Variants in NEO1 observed in about 807,000 individuals in gnomAD.
The protein encoded by NEO1 is neogenin 1.
Under a neutral mutation model 159.7 loss-of-function variants are expected in NEO1, and 63 were observed. The observed-to-expected ratio is 0.39, with a 90% confidence interval of 0.32 to 0.49. The LOEUF (loss-of-function observed/expected upper bound fraction) is 0.49, where lower values mean the gene tolerates loss of function less well. NEO1 is among the 20% of genes least tolerant of loss of function. The pLI, the probability that NEO1 is intolerant of heterozygous loss-of-function variation, is 0.85. For missense variants in NEO1, 1,615 were observed against 1,831.0 expected, an observed-to-expected ratio of 0.88 and a Z score of 2.15; for synonymous variants, 633 against 662.0, an observed-to-expected ratio of 0.96 and a Z score of 0.67.
At chr15:73,164,842 A>G (rs1355770850) in intron 5 of NEO1, among the ~76,000 whole-genome samples, 1 of 152,260 alleles carries the variant, frequency 6.6e-6, no homozygotes, top group Non-Finnish European at 1.5e-5. Context: ...TATGCTATAT[A>G]TGTGGCTACA....
At chr15:73,170,862 TAGAATA>T (rs1475499751) in intron 5 of NEO1, among the ~76,000 whole-genome samples, 1 of 152,194 alleles carries the variant, frequency 6.6e-6, no homozygotes, top group Non-Finnish European at 1.5e-5. Context: ...GAATGAGTGA[TAGAATA>T]AGAGTATTAC....
At chr15:73,167,572 A>G (rs1411198816) in intron 5 of NEO1, among the ~76,000 whole-genome samples, 1 of 152,226 alleles carries the variant, frequency 6.6e-6, no homozygotes, top group Non-Finnish European at 1.5e-5. Flanking sequence ...CTACACCCAC[A>G]TTCACAGCTG....
intron 5 of NEO1, among the ~76,000 whole-genome samples, chr15:73,165,368 A>G (rs1377444738): frequency 6.6e-6 from 1 of 152,100 alleles, no homozygotes. Context: ...TCACCTTCTT[A>G]ACTTTGAAAA....
In NEO1 at chr15:73,073,795, T is replaced by A. The variant is rs149857670; in HGVS notation, c.130+20990T>A. ...AGGATTACTATTACCAGAACTAATA[T>A]GAGAATGTACCATACTAGGAGATTT... On this transcript the variant is annotated intron_variant, in intron 1 of 28. Coordinates refer to ENST00000261908, the MANE Select transcript of NEO1 (RefSeq NM_002499.4). Among the ~76,000 whole-genome samples, 291 of 152,294 alleles carry A rather than the reference T, an allele frequency of 1.9e-3. 3 individuals are homozygous for A. Among genetic ancestry groups the A allele is most frequent in the African/African-American group, 6.7e-3 (278 of 41,564 alleles).
intron 25 of NEO1, among the ~76,000 whole-genome samples, chr15:73,292,530 T>G (rs774363615): frequency 7.9e-5 from 12 of 152,244 alleles, no homozygotes; most frequent in Non-Finnish European, 1.6e-4. Flanking sequence ...TTTATCTGTT[T>G]CCATCTCAGA....
chr15:73,198,409 G>A (rs981430443), intron 7 of NEO1, among the ~76,000 whole-genome samples: 7 of 151,924 alleles, frequency 4.6e-5, no homozygotes, highest in Admixed American at 4.6e-4. Flanking sequence ...TTGTATGTCT[G>A]AAAATATATT....
At chr15:73,129,031 G>A (rs535782078) in intron 4 of NEO1, among the ~76,000 whole-genome samples, 52 of 152,322 alleles carry the variant, frequency 3.4e-4, no homozygotes, top group African/African-American at 1.2e-3. Flanking sequence ...GAGAAGCACT[G>A]CCTTGGTATG....
chr15:73,153,446 T>C (rs989189953), intron 5 of NEO1, among the ~76,000 whole-genome samples: 3 of 152,084 alleles, frequency 2.0e-5, no homozygotes, highest in African/African-American at 7.3e-5. Flanking sequence ...CCCAAAACCC[T>C]GGAGAAATCT....
At chr15:73,188,108 C>T (rs921228547) in intron 7 of NEO1, among the ~76,000 whole-genome samples, 3 of 151,936 alleles carry the variant, frequency 2.0e-5, no homozygotes, top group African/African-American at 7.3e-5. Context: ...TTTGTAGACT[C>T]TTAACTTCTG....
chr15:73,198,199 T>C (rs1182201060), intron 7 of NEO1, among the ~76,000 whole-genome samples: 1 of 152,154 alleles, frequency 6.6e-6, no homozygotes, highest in Non-Finnish European at 1.5e-5. Context: ...TCAGGATTCA[T>C]CATGATACCT....
chr15:73,100,838 A>C (rs909642678), intron 1 of NEO1, among the ~76,000 whole-genome samples: 1 of 152,052 alleles, frequency 6.6e-6, no homozygotes, highest in African/African-American at 2.4e-5. Flanking sequence ...GCTCTCTTCC[A>C]TTCTTGCCAC....
chr15:73,166,938 T>C lies in NEO1; in HGVS notation c.1016-9465T>C, dbSNP rs572573384. ...GGCACATATACACCATGGAATACTA[T>C]GCAGCCATAAAAAAGGATGAGTTCA... On this transcript the variant is annotated intron_variant, in intron 5 of 28. Coordinates refer to ENST00000261908, the MANE Select transcript of NEO1 (RefSeq NM_002499.4). 1.6e-4 allele frequency among the ~76,000 whole-genome samples: 24 copies of C among 152,054 alleles called. No individual in the cohort carries two copies. The South Asian group carries it at 4.8e-3, about 30-fold the overall frequency.
At position 73,288,440 on chromosome 15, in the gene NEO1, G is replaced by C. The variant is rs200197118; in HGVS notation, c.3538G>C (p.Asp1180His). Reference protein sequence around the residue: ...LELKPIDKSPDPNPIMTDTPI... With the variant: ...LELKPIDKSPHPNPIMTDTPI... ...GCTGAAACCCATTGATAAGTCTCCA[G>C]ACCCAAACCCCATCATGACTGATAC... Residue 1180 changes from aspartate to histidine, a missense_variant, in exon 24 of 29, where the codon GAC becomes CAC. Coordinates refer to ENST00000261908, the MANE Select transcript of NEO1 (RefSeq NM_002499.4). 2 of 1,614,048 alleles carry C rather than the reference G, an allele frequency of 1.2e-6. No homozygotes were observed. Among genetic ancestry groups the C allele is most frequent in the East Asian group, 4.5e-5 (2 of 44,870 alleles).
chr15:73,295,251 G>T (rs1323863853), intron 26 of NEO1, among the ~76,000 whole-genome samples: 1 of 151,432 alleles, frequency 6.6e-6, no homozygotes, highest in Non-Finnish European at 1.5e-5. Context: ...GCTGCATGGA[G>T]AGCCAAAGTC....
chr15:73,190,384 T>C (rs1029235112), intron 7 of NEO1, among the ~76,000 whole-genome samples: 3 of 152,154 alleles, frequency 2.0e-5, no homozygotes, highest in Non-Finnish European at 4.4e-5. Context: ...GGGAGTAACA[T>C]CAACTTGTTT....
intron 18 of NEO1, among the ~76,000 whole-genome samples, chr15:73,271,430 G>C (rs1405538820): frequency 6.6e-6 from 1 of 152,112 alleles, no homozygotes; most frequent in Non-Finnish European, 1.5e-5. Flanking sequence ...TTTCCTACTA[G>C]TGTGTTAAAA....
chr15:73,102,646 G>T (rs2070466231), intron 1 of NEO1, among the ~76,000 whole-genome samples: 1 of 152,116 alleles, frequency 6.6e-6, no homozygotes, highest in Admixed American at 6.5e-5. Context: ...CTTTTGGGAT[G>T]CCCTGTTCTC....
In NEO1 at chr15:73,242,525, G is replaced by A. The variant is rs112702223; in HGVS notation, c.1452-1819G>A. ...TCTACTAAAAATACAAAAATTAGCCGGGCGTGGTGGTGTGCACCTGTAGTC... is the reference window on the plus strand; with the variant it reads ...TCTACTAAAAATACAAAAATTAGCCAGGCGTGGTGGTGTGCACCTGTAGTC... On this transcript the variant is annotated intron_variant, in intron 8 of 28. Coordinates refer to ENST00000261908, the MANE Select transcript of NEO1 (RefSeq NM_002499.4). Among the ~76,000 whole-genome samples the A allele has an allele frequency of 9.8e-3, 1,485 of 152,094 alleles. 9 individuals carry two copies. The highest frequency in any genetic ancestry group is 0.014 in the Non-Finnish European group (955 of 67,998).
intron 9 of NEO1, among the ~76,000 whole-genome samples, chr15:73,245,384 T>G (rs1022812315): frequency 2.6e-5 from 4 of 152,166 alleles, no homozygotes; most frequent in Non-Finnish European, 5.9e-5. Context: ...ATTTCTAAGA[T>G]TTTCAGTGAC....
Sources: allele counts gnomAD v4.1 joint callset (sites outside exome capture counted in the v4.1 genomes callset), GRCh38; gene constraint gnomAD v4.1.1; transcripts MANE v1.5; gene names NCBI Gene and HGNC (gene_info 2026-07-23, HGNC 2026-07-21).